Variants in PDCD6IP observed in about 807,000 individuals in gnomAD.
The protein encoded by PDCD6IP is programmed cell death 6 interacting protein.
In PDCD6IP, 43 loss-of-function variants were observed where a neutral mutation model predicts 103.7. That is an observed-to-expected ratio of 0.41 (90% CI 0.32 to 0.53). PDCD6IP has a LOEUF of 0.53. Among genes scored for constraint, PDCD6IP ranks in the 20% least tolerant of loss-of-function variants. PDCD6IP has a pLI of 0.16. For missense variants in PDCD6IP, 871 were observed against 1,036.7 expected, an observed-to-expected ratio of 0.84 and a Z score of 2.20; for synonymous variants, 354 against 378.7, an observed-to-expected ratio of 0.93 and a Z score of 0.76.
chr3:33,859,973 C>T (rs964202477), intron 15 of PDCD6IP, among the ~76,000 whole-genome samples: 1 of 152,074 alleles, frequency 6.6e-6, no homozygotes, highest in African/African-American at 2.4e-5. Flanking sequence ...AAATGCTGTG[C>T]AGCTATTTTA....
At chr3:33,840,153 T>A (rs1575929690) in intron 9 of PDCD6IP, among the ~76,000 whole-genome samples, 1 of 143,262 alleles carries the variant, frequency 7.0e-6, no homozygotes, top group East Asian at 2.1e-4. Context: ...CGATAAACAG[T>A]CAATTAACAC....
intron 1 of PDCD6IP, among the ~76,000 whole-genome samples, chr3:33,803,306 G>C (rs889149157): frequency 6.6e-6 from 1 of 152,080 alleles, no homozygotes; most frequent in Admixed American, 6.6e-5. Flanking sequence ...TTGCTAATAC[G>C]TACTGATTAA....
At chr3:33,858,090 G>T (rs1486002859) in intron 15 of PDCD6IP, among the ~76,000 whole-genome samples, 1 of 152,142 alleles carries the variant, frequency 6.6e-6, no homozygotes, top group South Asian at 2.1e-4. Flanking sequence ...TACTGAAGTT[G>T]TTGATCATAA....
In PDCD6IP at chr3:33,865,353, T is replaced by C; in HGVS notation, c.2355T>C (p.Ala785=). The C allele has an allele frequency of 6.2e-7, 1 of 1,601,370 alleles. No individual in the cohort carries two copies. The highest frequency in any genetic ancestry group is 1.7e-5 in the Admixed American group (1 of 58,160). ...TGGGGGCTGGGACTGCTGCGCCAGC[T>C]CCATCACAAACGCCTGGCTCAGCTC... ...SPVGAGTAAP[A]PSQTPGSAPP... is the part of the protein sequence containing the mutation. Residue 785 remains alanine, a synonymous_variant, in exon 17 of 18, where the codon GCT becomes GCC. Transcript: ENST00000307296.
rs1342561405 is a variant in PDCD6IP, at chr3:33,869,521, T to G, written c.*2996T>G. 1 of 152,188 alleles carries G rather than the reference T, an allele frequency of 6.6e-6. No homozygotes were observed. The highest frequency in any genetic ancestry group is 6.5e-5 in the Admixed American group (1 of 15,286). 9.4% of individuals were successfully genotyped at this position (152,188 alleles called of 1,614,324 possible). A position where few individuals can be genotyped will look rare whatever the true frequency, so the allele number is the denominator to read the frequency against. On this transcript the variant is annotated 3_prime_UTR_variant, in exon 18 of 18. Coordinates refer to ENST00000307296, the MANE Select transcript of PDCD6IP (RefSeq NM_013374.6). ...TTCAGGCTTTATTTCTGGTATGAAGTTTATATTTTTTAAAAAAATCCTATA... is the reference window on the plus strand; with the variant it reads ...TTCAGGCTTTATTTCTGGTATGAAGGTTATATTTTTTAAAAAAATCCTATA...
chr3:33,811,113 G>T, intron 1 of PDCD6IP: 1 of 429,782 alleles, frequency 2.3e-6, no homozygotes, highest in Non-Finnish European at 4.7e-6. Flanking sequence ...CTCGAACTCT[G>T]GGCTCAAGTG....
chr3:33,856,732 G>A (rs1697838193), intron 15 of PDCD6IP, among the ~76,000 whole-genome samples: 1 of 152,144 alleles, frequency 6.6e-6, no homozygotes, highest in Admixed American at 6.5e-5. Flanking sequence ...AGGCAAAACA[G>A]TCAAGCCAGT....
At position 33,864,089 on chromosome 3, in the gene PDCD6IP, ATGCACCAAC is replaced by A; in HGVS notation, c.2206_2214del (p.Ala736_Thr738del). The A allele has an allele frequency of 6.2e-7, 1 of 1,612,506 alleles. No homozygotes were observed. The highest frequency in any genetic ancestry group is 8.5e-7 in the Non-Finnish European group (1 of 1,178,486). ...TATCAGTCCTCACCAGCAGGAGGAC[ATGCACCAAC>A]TCCTCCAACTCCAGCGCCAAGAACC... On this transcript the variant is annotated inframe_deletion, in exon 16 of 18. Transcript: ENST00000307296.
chr3:33,804,287 C>T (rs1393360611), intron 1 of PDCD6IP, among the ~76,000 whole-genome samples: 1 of 152,232 alleles, frequency 6.6e-6, no homozygotes, highest in Non-Finnish European at 1.5e-5. Context: ...GGGCCAGTCT[C>T]CTCCCTATGG....
intron 9 of PDCD6IP, among the ~76,000 whole-genome samples, chr3:33,841,243 G>A (rs1323688545): frequency 6.6e-6 from 1 of 151,744 alleles, no homozygotes; most frequent in East Asian, 1.9e-4. Context: ...GGCCAGGCTG[G>A]TCTCGAATTC....
intron 3 of PDCD6IP, among the ~76,000 whole-genome samples, chr3:33,817,947 A>C (rs1559777025): frequency 6.6e-6 from 1 of 152,052 alleles, no homozygotes; most frequent in Non-Finnish European, 1.5e-5. Context: ...AAAATCTCAT[A>C]AAAGCTCTTA....
intron 16 of PDCD6IP, among the ~76,000 whole-genome samples, 163 bp from the exon 17 acceptor site, chr3:33,865,080 C>T (rs906965314): frequency 2.6e-5 from 4 of 152,100 alleles, no homozygotes; most frequent in African/African-American, 9.7e-5. Flanking sequence ...AATTATTCAA[C>T]TATGATATAT....
At chr3:33,829,792 G>T (rs1401838950) in intron 7 of PDCD6IP, among the ~76,000 whole-genome samples, 1 of 152,134 alleles carries the variant, frequency 6.6e-6, no homozygotes, top group Non-Finnish European at 1.5e-5. Context: ...CACAGACTGG[G>T]TAATTGATAA....
intron 3 of PDCD6IP, among the ~76,000 whole-genome samples, chr3:33,816,053 G>T (rs1236071362): frequency 1.3e-5 from 2 of 152,138 alleles, no homozygotes; most frequent in East Asian, 3.9e-4. Context: ...TGCCAGAAGA[G>T]TTTCAAAGGT....
At chr3:33,836,383 T>G in intron 8 of PDCD6IP, 117 bp downstream of exon 8, 1 of 631,384 alleles carries the variant, frequency 1.6e-6, no homozygotes. Context: ...GTATTCATGT[T>G]GTTTAAAATG....
intron 6 of PDCD6IP, chr3:33,827,274 A>C (rs910523927): frequency 1.4e-5 from 12 of 851,888 alleles, no homozygotes; most frequent in Non-Finnish European, 1.7e-5. Flanking sequence ...AGTGAAATAT[A>C]TGTTTCAACT....
intron 14 of PDCD6IP, 98 bp from the exon 15 acceptor site, chr3:33,855,068 G>A (rs1697797340): frequency 8.8e-6 from 6 of 681,588 alleles, no homozygotes; most frequent in African/African-American, 1.8e-5. Flanking sequence ...TCAGTTCTTC[G>A]GCTCTAACTA....
chr3:33,818,678 C>T (rs1453869826), intron 3 of PDCD6IP, among the ~76,000 whole-genome samples: 2 of 151,838 alleles, frequency 1.3e-5, no homozygotes, highest in Non-Finnish European at 2.9e-5. Context: ...GCCACCACGT[C>T]CAGCTAATTT....
At chr3:33,809,515 A>G (rs1438221801) in intron 1 of PDCD6IP, among the ~76,000 whole-genome samples, 1 of 152,212 alleles carries the variant, frequency 6.6e-6, no homozygotes, top group Non-Finnish European at 1.5e-5. Context: ...TTTAAGTGTA[A>G]TGGGAATCCA....
Sources: allele counts gnomAD v4.1 joint callset (sites outside exome capture counted in the v4.1 genomes callset), GRCh38; gene constraint gnomAD v4.1.1; transcripts MANE v1.5; gene names NCBI Gene and HGNC (gene_info 2026-07-23, HGNC 2026-07-21).